The following PSD3 variants were observed in gnomAD, a reference collection of about 807,000 sequenced individuals.
PSD3 encodes the protein pleckstrin and Sec7 domain containing 3, also known as PH and SEC7 domain-containing protein 3.
In PSD3, 49 loss-of-function variants were observed where a neutral mutation model predicts 105.5. The observed-to-expected ratio is 0.46, with a 90% CI of 0.37 to 0.59. The LOEUF (loss-of-function observed/expected upper bound fraction) is 0.59, where lower values mean the gene tolerates loss of function less well. Among genes scored for constraint, PSD3 ranks in the 20% least tolerant of loss-of-function variants. The pLI is 0.00. For missense variants in PSD3, 1,561 were observed against 1,263.8 expected (o/e 1.24, Z -3.57); for synonymous variants, 557 against 457.8 (o/e 1.22, Z -2.77).
intron 9 of PSD3, among the ~76,000 whole-genome samples, chr8:18,700,380 A>C (rs1035952471): frequency 6.6e-6 from 1 of 152,204 alleles, no homozygotes; most frequent in African/African-American, 2.4e-5. Flanking sequence ...AATAGGAAAA[A>C]TGATGTACTT....
At chr8:18,571,905 G>GGTAA (rs397711512) in intron 14 of PSD3, among the ~76,000 whole-genome samples, 2 of 152,140 alleles carry the variant, frequency 1.3e-5, no homozygotes, top group Non-Finnish European at 2.9e-5. Flanking sequence ...CTGGTAGGTA[G>GGTAA]TGTCCTTAGA....
chr8:18,799,117 G>C (rs933921971), intron 8 of PSD3, 178 bp downstream of exon 8: 8 of 587,268 alleles, frequency 1.4e-5, no homozygotes, highest in Non-Finnish European at 2.1e-5. Context: ...GTCATACTCT[G>C]TGCTAGCATG....
intron 1 of PSD3, among the ~76,000 whole-genome samples, chr8:18,998,454 G>A (rs944754881): frequency 5.3e-5 from 8 of 151,890 alleles, no homozygotes; most frequent in African/African-American, 1.5e-4. Context: ...TTGGGAGGCC[G>A]AGGCGGGTGG....
chr8:18,795,416 A>G (rs545774582), intron 8 of PSD3, among the ~76,000 whole-genome samples: 37 of 152,312 alleles, frequency 2.4e-4, no homozygotes, highest in African/African-American at 8.9e-4. Flanking sequence ...GAACAGAGGG[A>G]TGCTGGACAA....
chr8:18,636,538 G>A (rs934316071), intron 10 of PSD3, among the ~76,000 whole-genome samples: 3 of 152,150 alleles, frequency 2.0e-5, no homozygotes, highest in Admixed American at 2.0e-4. Flanking sequence ...ACAGTACTGT[G>A]TAGTAATGTC....
At chr8:18,818,127 T>C (rs2467998) in intron 4 of PSD3, among the ~76,000 whole-genome samples, 46,296 of 151,796 alleles carry the variant, frequency 0.3, 7,661 homozygotes, top group East Asian at 0.62. Flanking sequence ...CTAATTTTTT[T>C]CATTTTTAGT....
intron 1 of PSD3, among the ~76,000 whole-genome samples, chr8:19,081,019 T>C (rs527841244): frequency 6.6e-6 from 1 of 152,296 alleles, no homozygotes; most frequent in South Asian, 2.1e-4. Context: ...TCCTCTTATC[T>C]TTAGCCCCAA....
At chr8:18,575,493 T>C (rs1181876473) in intron 12 of PSD3, among the ~76,000 whole-genome samples, 3 of 152,164 alleles carry the variant, frequency 2.0e-5, no homozygotes, top group East Asian at 1.9e-4. Context: ...AAAATACATC[T>C]ACCCAAGGCA....
chr8:18,635,787 G>C (rs1382561568), intron 10 of PSD3, among the ~76,000 whole-genome samples: 1 of 145,056 alleles, frequency 6.9e-6, no homozygotes, highest in Non-Finnish European at 1.5e-5. Flanking sequence ...CACACGAATA[G>C]AAAACCAAAC....
At chr8:18,609,637 G>A (rs1805107328) in intron 11 of PSD3, among the ~76,000 whole-genome samples, 1 of 152,162 alleles carries the variant, frequency 6.6e-6, no homozygotes, top group South Asian at 2.1e-4. Context: ...TGATAAGAAG[G>A]GAGTTCTGAA....
intron 4 of PSD3, among the ~76,000 whole-genome samples, chr8:18,813,503 G>T (rs1429479702): frequency 1.3e-5 from 2 of 152,146 alleles, no homozygotes; most frequent in Non-Finnish European, 2.9e-5. Context: ...ACCAAAGTGC[G>T]CCAAAGAAAT....
intron 9 of PSD3, among the ~76,000 whole-genome samples, chr8:18,691,323 T>A (rs1486640213): frequency 6.6e-6 from 1 of 152,240 alleles, no homozygotes; most frequent in African/African-American, 2.4e-5. Context: ...ATTTGCTGTT[T>A]AGAAGTACGG....
At chr8:18,616,789 C>A (rs1048938132) in intron 11 of PSD3, among the ~76,000 whole-genome samples, 2 of 150,980 alleles carry the variant, frequency 1.3e-5, no homozygotes, top group African/African-American at 4.9e-5. Flanking sequence ...ACGCCCGGCT[C>A]ATTTTTTGTA....
At chr8:18,900,895 C>A (rs1476101192) in intron 2 of PSD3, among the ~76,000 whole-genome samples, 1 of 152,130 alleles carries the variant, frequency 6.6e-6, no homozygotes, top group Admixed American at 6.5e-5. Flanking sequence ...ATACAACACT[C>A]AAGCTCATTG....
At position 18,629,277 on chromosome 8, in the gene PSD3, G is replaced by C. The variant is rs548007563; in HGVS notation, c.2410+3336C>G. Among the ~76,000 whole-genome samples, 85 of 152,074 alleles carry C rather than the reference G, an allele frequency of 5.6e-4. 1 individual carries two copies. Among genetic ancestry groups the C allele is most frequent in the Admixed American group, 2.2e-3 (34 of 15,246 alleles). ...GGTATAAGGGATGCAAAATGATATA[G>C]AAACTTTAGAAATTTCTTAAAAAGT... On this transcript the variant is annotated intron_variant, in intron 11 of 15. Transcript: ENST00000327040.
chr8:18,653,166 C>A (rs1282091316), intron 10 of PSD3, among the ~76,000 whole-genome samples: 1 of 152,048 alleles, frequency 6.6e-6, no homozygotes, highest in African/African-American at 2.4e-5. Context: ...GGAGGAAACA[C>A]TGAAATATGG....
chr8:19,062,130 A>G (rs887225979), intron 1 of PSD3, among the ~76,000 whole-genome samples: 1 of 152,168 alleles, frequency 6.6e-6, no homozygotes, highest in Non-Finnish European at 1.5e-5. Flanking sequence ...AACTCAATCA[A>G]TGGTTTAAAT....
At chr8:19,070,063 G>T (rs888985812) in intron 1 of PSD3, among the ~76,000 whole-genome samples, 1 of 151,526 alleles carries the variant, frequency 6.6e-6, no homozygotes, top group African/African-American at 2.4e-5. Context: ...TCCTGCCTCA[G>T]CCTCCCAAGT....
At chr8:19,046,938 A>G (rs914247020) in intron 1 of PSD3, among the ~76,000 whole-genome samples, 17 of 152,240 alleles carry the variant, frequency 1.1e-4, no homozygotes, top group Admixed American at 9.2e-4. Context: ...TCTCTCATCA[A>G]GAGTGGGTTG....
Sources: allele counts gnomAD v4.1 joint callset (sites outside exome capture counted in the v4.1 genomes callset), GRCh38; gene constraint gnomAD v4.1.1; transcripts MANE v1.5; gene names NCBI Gene and HGNC (gene_info 2026-07-23, HGNC 2026-07-21).